The following RBFOX1 variants were observed in gnomAD, a reference collection of about 807,000 sequenced individuals.
RBFOX1 encodes RNA binding protein fox-1 homolog 1.
RBFOX1 carries 8 observed loss-of-function variants against 57.7 expected under a neutral mutation model. The ratio of observed to expected loss-of-function variants is 0.14; its 90% CI spans 0.08 to 0.25. The LOEUF (loss-of-function observed/expected upper bound fraction) is 0.25, where lower values mean the gene tolerates loss of function less well. Among genes scored for constraint, RBFOX1 ranks in the 10% least tolerant of loss-of-function variants. RBFOX1 has a pLI of 1.00. For missense variants in RBFOX1, 611 were observed against 548.5 expected, an observed-to-expected ratio of 1.11 and a Z score of -1.14; for synonymous variants, 326 against 222.4, an observed-to-expected ratio of 1.47 and a Z score of -4.15.
chr16:7,206,011 G>A (rs1418313834), intron 4 of RBFOX1, among the ~76,000 whole-genome samples: 1 of 152,220 alleles, frequency 6.6e-6, no homozygotes, highest in Non-Finnish European at 1.5e-5. Flanking sequence ...CTGAACACAG[G>A]TGTGGCTTGC....
At position 6,691,300 on chromosome 16, in the gene RBFOX1, C is replaced by T. The variant is rs906183291; in HGVS notation, c.-16+36650C>T. 3.9e-5 allele frequency among the ~76,000 whole-genome samples: 6 copies of T among 152,064 alleles called. No individual in the cohort carries two copies. In the East Asian group the frequency reaches 9.7e-4, roughly 24 times the overall value. ...TGCGTGCTGCAGAGGTAGGGGGTGG[C>T]AGAGCTTTAAGCCCGTAATAAACAT... On this transcript the variant is annotated intron_variant, in intron 3 of 15. Transcript: ENST00000550418.
intron 1 of RBFOX1, among the ~76,000 whole-genome samples, chr16:6,221,943 G>C (rs1209059550): frequency 6.6e-6 from 1 of 152,112 alleles, no homozygotes; most frequent in East Asian, 1.9e-4. Flanking sequence ...ACCAATATAT[G>C]AGAATTGATT....
intron 4 of RBFOX1, among the ~76,000 whole-genome samples, chr16:7,284,589 C>T (rs2095612243): frequency 6.6e-6 from 1 of 152,138 alleles, no homozygotes; most frequent in Non-Finnish European, 1.5e-5. Context: ...CCTTAGCCTC[C>T]CACAGTGCTA....
intron 2 of RBFOX1, among the ~76,000 whole-genome samples, chr16:6,547,536 G>A (rs764045073): frequency 2.8e-4 from 43 of 152,068 alleles, no homozygotes; most frequent in Admixed American, 1.1e-3. Context: ...TTGTTATTGA[G>A]ATATTCATGA....
Position 6,019,144 on chromosome 16 carries a change from T to C in RBFOX1, c.-975T>C. 1.0e-6 allele frequency: 1 copy of C among 984,650 alleles called. No homozygotes were observed. The highest frequency in any genetic ancestry group is 1.2e-6 in the Non-Finnish European group (1 of 829,548). 61.0% of individuals were successfully genotyped at this position (984,650 alleles called of 1,614,324 possible). A position where few individuals can be genotyped will look rare whatever the true frequency, so the allele number is the denominator to read the frequency against. On this transcript the variant is annotated 5_prime_UTR_variant, in exon 1 of 16. Coordinates refer to ENST00000550418, the MANE Select transcript of RBFOX1 (RefSeq NM_018723.4). This position sits in a 1 kb window ranked among gnomAD's most constrained non-coding sequence, Gnocchi z 4.2. ...TCTCGCGCTCTCTCCGGCTCTCCTT[T>C]GTTTATTTTCTAATCTATATTTTTA... is the stretch of plus-strand genomic sequence containing the variant.
Position 6,184,344 on chromosome 16 carries a change from A to C in RBFOX1, c.-126-132651A>C, listed in dbSNP as rs2097091010. 2.0e-5 allele frequency among the ~76,000 whole-genome samples: 3 copies of C among 152,156 alleles called. 1 individual carries two copies. The highest frequency in any genetic ancestry group is 2.0e-4 in the Admixed American group (3 of 15,276). ...ATACTCTGGCTGCTGGGTGGAGAATAGGTGTGGGAAAGGATGGAACCAGGG... is the reference window on the plus strand; with the variant it reads ...ATACTCTGGCTGCTGGGTGGAGAATCGGTGTGGGAAAGGATGGAACCAGGG... On this transcript the variant is annotated intron_variant, in intron 1 of 15. Coordinates refer to ENST00000550418, the MANE Select transcript of RBFOX1 (RefSeq NM_018723.4).
intron 4 of RBFOX1, among the ~76,000 whole-genome samples, chr16:7,298,697 A>G (rs1242352046): frequency 6.6e-6 from 1 of 152,262 alleles, no homozygotes; most frequent in Non-Finnish European, 1.5e-5. Flanking sequence ...CATGCATTAT[A>G]TATGTATTCC....
Position 6,682,084 on chromosome 16 carries a change from A to T in RBFOX1, c.-16+27434A>T, listed in dbSNP as rs139066590. 2.6e-3 allele frequency among the ~76,000 whole-genome samples: 397 copies of T among 152,318 alleles called. 1 individual carries two copies. The highest frequency in any genetic ancestry group is 4.5e-3 in the Non-Finnish European group (309 of 68,022). ...CCAGTTTGTTTTGCCCAATAGAACAAAATGTCACGATTCTTTTAAAGTTCT... is the reference window on the plus strand; with the variant it reads ...CCAGTTTGTTTTGCCCAATAGAACATAATGTCACGATTCTTTTAAAGTTCT... On this transcript the variant is annotated intron_variant, in intron 3 of 15. Coordinates refer to ENST00000550418, the MANE Select transcript of RBFOX1 (RefSeq NM_018723.4).
At chr16:5,539,884 G>C (rs940681493) in intron 2 of RBFOX1, among the ~76,000 whole-genome samples, 3 of 152,192 alleles carry the variant, frequency 2.0e-5, no homozygotes, top group Non-Finnish European at 4.4e-5. Flanking sequence ...AATGAAGTAG[G>C]AATTTAACAT....
chr16:5,833,426 C>T (rs150198897), intron 3 of RBFOX1, among the ~76,000 whole-genome samples: 4 of 144,622 alleles, frequency 2.8e-5, no homozygotes, highest in East Asian at 4.3e-4. Flanking sequence ...ACCCGGGAGG[C>T]GGAGCTTGCC....
chr16:5,752,457 A>G (rs560336868), intron 3 of RBFOX1, among the ~76,000 whole-genome samples: 1 of 152,210 alleles, frequency 6.6e-6, no homozygotes, highest in African/African-American at 2.4e-5. Context: ...AACATTCACT[A>G]TTGAAACAAT....
At chr16:7,265,712 G>A (rs574376557) in intron 4 of RBFOX1, among the ~76,000 whole-genome samples, 5 of 152,296 alleles carry the variant, frequency 3.3e-5, no homozygotes, top group African/African-American at 9.6e-5. Context: ...GCCTCCCAGT[G>A]TGCTGGGATT....
chr16:6,095,119 T>A (rs1321693885), intron 1 of RBFOX1, among the ~76,000 whole-genome samples: 1 of 152,156 alleles, frequency 6.6e-6, no homozygotes. Context: ...CCTTAGCACC[T>A]AATAAGTATG....
chr16:7,710,217 T>C, intron 15 of RBFOX1: 7 of 1,040,486 alleles, frequency 6.7e-6, no homozygotes, highest in Non-Finnish European at 8.1e-6. Context: ...ATCCCAATTC[T>C]GCATTCAACA....
At chr16:6,761,895 T>G (rs1190575118) in intron 3 of RBFOX1, among the ~76,000 whole-genome samples, 2 of 152,216 alleles carry the variant, frequency 1.3e-5, no homozygotes, top group Non-Finnish European at 2.9e-5. Context: ...TCTTCCTCAC[T>G]CTAATCCCAC....
intron 4 of RBFOX1, among the ~76,000 whole-genome samples, chr16:7,068,006 C>A (rs1204356410): frequency 1.4e-5 from 2 of 147,762 alleles, no homozygotes; most frequent in South Asian, 2.2e-4. Context: ...TTAAAGCCAG[C>A]CATGGTTTCA....
chr16:6,877,898 CTT>C (rs1027115611), intron 3 of RBFOX1, among the ~76,000 whole-genome samples: 2 of 152,100 alleles, frequency 1.3e-5, no homozygotes, highest in Non-Finnish European at 2.9e-5. Flanking sequence ...AGACTAAGAA[CTT>C]AGGATCTTGC....
rs78703309 is a variant in RBFOX1, at chr16:6,135,748, G to A, written c.-127+115756G>A. 8.9e-3 allele frequency among the ~76,000 whole-genome samples: 1,340 copies of A among 150,874 alleles called. 22 individuals are homozygous for A. Among genetic ancestry groups the A allele is most frequent in the African/African-American group, 0.031 (1,285 of 40,992 alleles). On this transcript the variant is annotated intron_variant, in intron 1 of 15. Transcript: ENST00000550418. ...ACAAAAATCTCAAGTGTGGCTGAAG[G>A]TGGCAGGGGAATTCCTGGAGATGGC...
chr16:7,110,200 A>G (rs202241146), intron 4 of RBFOX1, among the ~76,000 whole-genome samples: 81 of 151,272 alleles, frequency 5.4e-4, no homozygotes, highest in African/African-American at 1.9e-3. Flanking sequence ...AAAAAAAAAA[A>G]AAAAGAAAAA....
Sources: allele counts gnomAD v4.1 joint callset (sites outside exome capture counted in the v4.1 genomes callset), GRCh38; gene constraint gnomAD v4.1.1; non-coding constraint Gnocchi (gnomAD v3.1); transcripts MANE v1.5; gene names NCBI Gene and HGNC (gene_info 2026-07-23, HGNC 2026-07-21).